GPR160: variants seen among roughly 807,000 people sequenced by gnomAD.
GPR160 encodes the protein probable G protein-coupled receptor 160.
In GPR160, 2 loss-of-function variants were observed where a neutral mutation model predicts 2.6. The observed-to-expected ratio is 0.77, with a 90% CI of 0.32 to 2.44. GPR160 has a LOEUF of 2.44. Among genes scored for constraint, GPR160 ranks in the 30% most tolerant of loss-of-function variants. The pLI is 0.11. For synonymous variants in GPR160, 130 were observed against 132.2 expected (o/e 0.98, Z 0.12); for missense variants, 351 against 383.6 (o/e 0.91, Z 0.71).
chr3:170,081,149 C>T (rs971636719), intron 3 of GPR160, among the ~76,000 whole-genome samples: 2 of 152,222 alleles, frequency 1.3e-5, no homozygotes, highest in African/African-American at 4.8e-5. Context: ...TCATTTTAAA[C>T]CAACATTGGT....
chr3:170,076,689 G>A (rs886702394), intron 2 of GPR160, among the ~76,000 whole-genome samples: 15 of 151,890 alleles, frequency 9.9e-5, no homozygotes, highest in African/African-American at 3.1e-4. Context: ...GATTACAGGC[G>A]CCCGCCACCA....
chr3:170,071,456 C>T (rs1030296574), intron 2 of GPR160, among the ~76,000 whole-genome samples: 4 of 152,140 alleles, frequency 2.6e-5, no homozygotes, highest in African/African-American at 7.2e-5. Flanking sequence ...CAGATGCCAG[C>T]GCCATGCTTC....
intron 2 of GPR160, among the ~76,000 whole-genome samples, chr3:170,073,945 G>A (rs1219062360): frequency 7.2e-6 from 1 of 137,966 alleles, no homozygotes; most frequent in African/African-American, 2.7e-5. Flanking sequence ...CTGGAGTGCA[G>A]TGGCACAATC....
chr3:170,046,200 T>C (rs1035637646), intron 2 of GPR160, among the ~76,000 whole-genome samples: 3 of 152,168 alleles, frequency 2.0e-5, no homozygotes, highest in Admixed American at 1.3e-4. Flanking sequence ...CCACATGGCC[T>C]TAGGGAAATG....
intron 2 of GPR160, among the ~76,000 whole-genome samples, chr3:170,072,997 C>T (rs530125602): frequency 8.3e-4 from 127 of 152,142 alleles, no homozygotes; most frequent in African/African-American, 2.5e-3. Flanking sequence ...ACCTGGACAA[C>T]GAAACGAGAC....
intron 2 of GPR160, among the ~76,000 whole-genome samples, chr3:170,070,397 C>G (rs1331840858): frequency 6.6e-6 from 1 of 152,140 alleles, no homozygotes. Flanking sequence ...GGCAAGCCCA[C>G]TTTGTAGATA....
rs568426726 is a variant in GPR160 at position 170,042,979 on chromosome 3, T to C, written c.-193+3936T>C. 9.9e-5 allele frequency among the ~76,000 whole-genome samples: 15 copies of C among 151,190 alleles called. No individual in the cohort carries two copies. In the South Asian group the frequency reaches 2.7e-3, roughly 27 times the overall value. On this transcript the variant is annotated intron_variant, in intron 2 of 3. Coordinates refer to ENST00000355897, the MANE Select transcript of GPR160 (RefSeq NM_014373.3). ...TCACTGCAAGCTCTGCCTCCCGGAT[T>C]CATGCCATTCTCCTGCCTCAGCCTC... is the stretch of plus-strand genomic sequence containing the variant.
intron 2 of GPR160, among the ~76,000 whole-genome samples, chr3:170,072,189 C>G (rs969211627): frequency 6.6e-6 from 1 of 150,438 alleles, no homozygotes; most frequent in African/African-American, 2.5e-5. Context: ...ATTCTCCTTC[C>G]TCAGCCTCCC....
intron 2 of GPR160, among the ~76,000 whole-genome samples, chr3:170,059,166 C>T (rs527844064): frequency 2.0e-5 from 3 of 151,904 alleles, no homozygotes; most frequent in African/African-American, 4.8e-5. Flanking sequence ...CTTTTCTGAG[C>T]GTACCTTTTT....
intron 2 of GPR160, chr3:170,062,358 G>A: frequency 3.3e-6 from 1 of 302,644 alleles, no homozygotes; most frequent in Admixed American, 4.6e-5. Flanking sequence ...CACCGACGTT[G>A]GGGAGAATGT....
In GPR160 at chr3:170,084,757, T is replaced by C. The variant is rs759452986; in HGVS notation, c.785T>C (p.Ile262Thr). ...WLPFVLLQVI[I>T]VLLKVQIPAY... ...CCATTTGTACTACTTCAGGTAATCA[T>C]TGTTTTACTTAAAGTTCAGATTCCA... Residue 262 changes from isoleucine (I) to threonine (T), a missense_variant, in exon 4 of 4, where the codon ATT (isoleucine) becomes ACT (threonine). Coordinates refer to ENST00000355897, the MANE Select transcript of GPR160 (RefSeq NM_014373.3). 8 of 1,607,646 alleles carry C rather than the reference T, an allele frequency of 5.0e-6. No homozygotes were observed. The highest frequency in any genetic ancestry group is 2.2e-5 in the East Asian group (1 of 44,814).
intron 2 of GPR160, among the ~76,000 whole-genome samples, chr3:170,050,075 T>G (rs1386394707): frequency 1.3e-5 from 2 of 152,158 alleles, no homozygotes; most frequent in Admixed American, 1.3e-4. Flanking sequence ...TTTTTTTTTT[T>G]TGACACTGAG....
intron 2 of GPR160, among the ~76,000 whole-genome samples, chr3:170,050,641 C>A (rs776231942): frequency 5.9e-5 from 9 of 152,158 alleles, no homozygotes; most frequent in Non-Finnish European, 1.2e-4. Context: ...CCCCAGATAG[C>A]CATTGAACTT....
At chr3:170,066,291 T>C (rs530307937) in intron 2 of GPR160, among the ~76,000 whole-genome samples, 223 of 151,272 alleles carry the variant, frequency 1.5e-3, no homozygotes, top group African/African-American at 5.1e-3. Flanking sequence ...CAGGCGCCCA[T>C]CACCACGCCC....
chr3:170,074,424 G>A (rs183083046), intron 2 of GPR160, among the ~76,000 whole-genome samples: 10 of 151,748 alleles, frequency 6.6e-5, no homozygotes, highest in Admixed American at 3.9e-4. Flanking sequence ...GTTTTGTATC[G>A]ATTTTCTTTC....
Position 170,083,928 on chromosome 3 carries a change from T to G in GPR160, c.-45T>G. On this transcript the variant is annotated 5_prime_UTR_variant, in exon 4 of 4. Transcript: ENST00000355897. ...AGGGACAGAAAATGAAGCAGTGTTT[T>G]ATCATGTGTATTTCAGCAGGTCTTC... 1 of 1,095,412 alleles carries G rather than the reference T, an allele frequency of 9.1e-7. No individual in the cohort carries two copies. The highest frequency in any genetic ancestry group is 1.3e-6 in the Non-Finnish European group (1 of 794,128). 67.9% of individuals were successfully genotyped at this position (1,095,412 alleles called of 1,614,324 possible).
rs751879750 is a variant in GPR160 at position 170,084,011 on chromosome 3, C to T, written c.39C>T (p.Tyr13=). The change falls in exon 4 of 4, where the codon TAC becomes TAT. Residue 13 remains tyrosine (Y), a synonymous_variant. Transcript: ENST00000355897. The part of the protein sequence containing the change: ...ALSSENCSFQ[Y]QLRQTNQPLD... ...CTTCAGAGAACTGCTCTTTTCAGTACCAGTTACGTCAAACAAACCAGCCCC... is the reference window on the plus strand; with the variant it reads ...CTTCAGAGAACTGCTCTTTTCAGTATCAGTTACGTCAAACAAACCAGCCCC... The T allele has an allele frequency of 2.6e-6, 4 of 1,545,822 alleles. No individual in the cohort carries two copies. In the African/African-American group the frequency reaches 4.2e-5, roughly 16 times the overall value.
At chr3:170,076,130 C>T (rs1712837538) in intron 2 of GPR160, among the ~76,000 whole-genome samples, 1 of 152,096 alleles carries the variant, frequency 6.6e-6, no homozygotes, top group Non-Finnish European at 1.5e-5. Flanking sequence ...GGGAGGGAAA[C>T]TGGCTAGACA....
chr3:170,042,679 A>T (rs1161315771), intron 2 of GPR160, among the ~76,000 whole-genome samples: 115 of 145,608 alleles, frequency 7.9e-4, no homozygotes, highest in Middle Eastern at 6.8e-3. Flanking sequence ...AAAAAAAAAT[A>T]AATAAATAAT....
Sources: gnomAD v4.1 joint callset for allele counts (sites outside exome capture counted in the v4.1 genomes callset) on GRCh38, gnomAD v4.1.1 for gene constraint, MANE v1.5 for transcripts, NCBI Gene and HGNC (gene_info 2026-07-23, HGNC 2026-07-21) for gene names.